XIRP2: variants seen among roughly 807,000 people sequenced by gnomAD.
XIRP2 encodes xin actin-binding repeat-containing protein 2.
A neutral mutation model predicts 277.0 loss-of-function variants in XIRP2; 236 were observed. That is an observed-to-expected ratio of 0.85 (90% CI 0.77 to 0.95). The LOEUF (loss-of-function observed/expected upper bound fraction) is 0.95, where lower values mean the gene tolerates loss of function less well. Ranked by LOEUF, XIRP2 falls within the 40% of genes least tolerant of loss-of-function variation. XIRP2 has a pLI of 0.00. For missense variants in XIRP2, 4,640 were observed against 4,157.5 expected, an observed-to-expected ratio of 1.12 and a Z score of -3.19; for synonymous variants, 1,490 against 1,416.5, an observed-to-expected ratio of 1.05 and a Z score of -1.17.
In XIRP2 at chr2:167,259,492, C is replaced by A; in HGVS notation, c.*1675C>A. 1.1e-6 allele frequency: 1 copy of A among 877,138 alleles called. No individual in the cohort carries two copies. 54.3% of individuals were successfully genotyped at this position (877,138 alleles called of 1,614,324 possible). On this transcript the variant is annotated 3_prime_UTR_variant, in exon 11 of 11. Coordinates refer to ENST00000409195, the MANE Select transcript of XIRP2 (RefSeq NM_152381.6). ...AACATGGTGTTCAGAAATCTCGTGT[C>A]TATCTCAATGGGATATTTCTTGTAT... is the stretch of plus-strand genomic sequence containing the variant.
At chr2:167,212,325 A>G (rs1240754814) in intron 4 of XIRP2, among the ~76,000 whole-genome samples, 1 of 152,206 alleles carries the variant, frequency 6.6e-6, no homozygotes, top group East Asian at 1.9e-4. Flanking sequence ...TGATTTTGAA[A>G]ATGCCTAAAG....
chr2:166,942,184 T>C (rs1050869301), intron 2 of XIRP2, among the ~76,000 whole-genome samples: 30 of 152,206 alleles, frequency 2.0e-4, no homozygotes, highest in African/African-American at 7.2e-4. Context: ...CATAGGCCCA[T>C]GGAGGCACGA....
chr2:167,221,456 A>C, intron 5 of XIRP2, among the ~76,000 whole-genome samples: 1 of 126,978 alleles, frequency 7.9e-6, no homozygotes, highest in African/African-American at 3.4e-5. Flanking sequence ...GCGAAACTCC[A>C]TCTCAAAAAA....
chr2:167,137,619 A>G (rs567321611), intron 3 of XIRP2, among the ~76,000 whole-genome samples: 7 of 152,286 alleles, frequency 4.6e-5, no homozygotes, highest in Admixed American at 6.5e-5. Flanking sequence ...AGGCCTTTTT[A>G]TGTTAAAAGC....
intron 3 of XIRP2, among the ~76,000 whole-genome samples, chr2:167,182,039 TCATATGCC>T (rs1410456934): frequency 1.3e-5 from 2 of 152,124 alleles, no homozygotes; most frequent in Non-Finnish European, 2.9e-5. Context: ...TAAATATGAG[TCATATGCC>T]CAAAGACCTT....
At chr2:167,059,997 T>C (rs1017551914) in intron 2 of XIRP2, among the ~76,000 whole-genome samples, 2 of 152,140 alleles carry the variant, frequency 1.3e-5, no homozygotes, top group South Asian at 2.1e-4. Flanking sequence ...CTGGTGGACA[T>C]CTTAGATCAT....
intron 2 of XIRP2, among the ~76,000 whole-genome samples, chr2:167,086,518 G>T (rs1264573280): frequency 6.6e-6 from 1 of 151,604 alleles, no homozygotes; most frequent in African/African-American, 2.4e-5. Context: ...AGTTCTCCTG[G>T]ATAATATCCT....
chr2:167,213,077 T>C (rs978205963), intron 4 of XIRP2, among the ~76,000 whole-genome samples: 2 of 152,034 alleles, frequency 1.3e-5, no homozygotes. Context: ...GTAAAGACAA[T>C]ATATTTTCCT....
chr2:167,086,766 G>C (rs1169577102), intron 2 of XIRP2, among the ~76,000 whole-genome samples: 1 of 149,084 alleles, frequency 6.7e-6, no homozygotes, highest in South Asian at 2.1e-4. Context: ...TCTTCACGTA[G>C]TTCTCAAGCC....
At chr2:167,068,019 C>T (rs934167143) in intron 2 of XIRP2, among the ~76,000 whole-genome samples, 2 of 152,130 alleles carry the variant, frequency 1.3e-5, no homozygotes, top group Non-Finnish European at 2.9e-5. Flanking sequence ...AGGAACTCCC[C>T]CTGAAACTCC....
chr2:167,217,475 A>G (rs1279948362), intron 4 of XIRP2, among the ~76,000 whole-genome samples: 3 of 152,034 alleles, frequency 2.0e-5, no homozygotes, highest in Non-Finnish European at 4.4e-5. Context: ...ATGAAGACAG[A>G]CAGATGTGGA....
intron 2 of XIRP2, among the ~76,000 whole-genome samples, chr2:167,091,812 C>A (rs1690155816): frequency 6.6e-6 from 1 of 152,100 alleles, no homozygotes; most frequent in African/African-American, 2.4e-5. Context: ...ATTTTCATAA[C>A]CCAATCAGGG....
chr2:167,182,661 T>G (rs1414152931), intron 3 of XIRP2, among the ~76,000 whole-genome samples: 1 of 152,188 alleles, frequency 6.6e-6, no homozygotes, highest in Non-Finnish European at 1.5e-5. Context: ...AGAAGTTATT[T>G]AACTTCACTC....
chr2:167,161,650 G>A (rs976132833), intron 3 of XIRP2, among the ~76,000 whole-genome samples: 12 of 152,178 alleles, frequency 7.9e-5, no homozygotes, highest in African/African-American at 2.9e-4. Context: ...CCAGCCCCAA[G>A]AAACCACTTT....
At chr2:167,241,238 A>T (rs1281584546) in intron 7 of XIRP2, among the ~76,000 whole-genome samples, 2 of 152,282 alleles carry the variant, frequency 1.3e-5, no homozygotes, top group Admixed American at 6.5e-5. Context: ...GAAGAGCTAA[A>T]AAAAAAACAT....
rs1688112018 is a variant in XIRP2, at chr2:167,025,077, C to T, written c.409-110832C>T. ...TGGTAGAATTCGGCTGTGAATCCAT[C>T]TGGTCCTGGACTCTTTACGGTTGGT... On this transcript the variant is annotated intron_variant, in intron 2 of 10. Coordinates refer to ENST00000409195, the MANE Select transcript of XIRP2 (RefSeq NM_152381.6). 3.3e-5 allele frequency among the ~76,000 whole-genome samples: 5 copies of T among 152,074 alleles called. 1 individual carries two copies. In the South Asian group the frequency reaches 1.0e-3, roughly 32 times the overall value.
chr2:167,054,911 T>G (rs1689004594), intron 2 of XIRP2, among the ~76,000 whole-genome samples: 1 of 152,220 alleles, frequency 6.6e-6, no homozygotes, highest in Non-Finnish European at 1.5e-5. Flanking sequence ...CCATGTTCCA[T>G]GACTTAGTTT....
intron 2 of XIRP2, among the ~76,000 whole-genome samples, chr2:167,054,374 A>G (rs1035526897): frequency 1.3e-5 from 2 of 152,168 alleles, no homozygotes; most frequent in Non-Finnish European, 2.9e-5. Flanking sequence ...CTAGTGGTTC[A>G]TGTGTTCTGA....
At chr2:166,978,185 C>A (rs928951009) in intron 2 of XIRP2, among the ~76,000 whole-genome samples, 1 of 152,064 alleles carries the variant, frequency 6.6e-6, no homozygotes, top group Non-Finnish European at 1.5e-5. Flanking sequence ...AATTAAGTGA[C>A]CTGAAAGTGT....
Sources: allele counts gnomAD v4.1 joint callset (sites outside exome capture counted in the v4.1 genomes callset), GRCh38; gene constraint gnomAD v4.1.1; transcripts MANE v1.5; gene names NCBI Gene and HGNC (gene_info 2026-07-23, HGNC 2026-07-21).